The following AGL variants were observed in gnomAD, a reference collection of about 807,000 sequenced individuals.
AGL encodes the protein glycogen debranching enzyme.
In AGL, 128 loss-of-function variants were observed where a neutral mutation model predicts 199.3. The ratio of observed to expected loss-of-function variants is 0.64; its 90% confidence interval spans 0.56 to 0.74. The LOEUF is 0.74. Among genes scored for constraint, AGL ranks in the 30% least tolerant of loss-of-function variants. The pLI is 0.00. For synonymous variants in AGL, 584 were observed against 594.7 expected (o/e 0.98, Z 0.26); for missense variants, 1,809 against 1,820.8 (o/e 0.99, Z 0.12).
rs1045423897 is a variant in AGL at position 99,874,885 on chromosome 1, A to G, written c.1082+75A>G. ...TTATGGCTAGTATGATTTTCATACT[A>G]CTTATTAAAAACGCTTAATAGAAAA... On this transcript the variant is annotated intron_variant, in intron 8 of 33. Transcript: ENST00000361915. 6.0e-5 allele frequency: 91 copies of G among 1,512,966 alleles called. No homozygotes were observed. The Admixed American group carries it at 1.4e-3, about 23-fold the overall frequency. The allele number at this position is 1,512,966 out of a possible 1,614,324, so 93.7% of individuals were successfully genotyped here. A position where few individuals can be genotyped will look rare whatever the true frequency, so the allele number is the denominator to read the frequency against.
intron 11 of AGL, among the ~76,000 whole-genome samples, chr1:99,877,388 T>C (rs1651635077): frequency 6.6e-6 from 1 of 152,216 alleles, no homozygotes; most frequent in African/African-American, 2.4e-5. Context: ...TCCCTTATGA[T>C]GCGACTTGGG....
intron 25 of AGL, among the ~76,000 whole-genome samples, chr1:99,897,265 G>A (rs746250908): frequency 6.6e-6 from 1 of 152,152 alleles, no homozygotes; most frequent in Non-Finnish European, 1.5e-5. Flanking sequence ...CAGATTCTTG[G>A]ACCCTATGCC....
At chr1:99,918,268 T>C (rs1218602450) in intron 33 of AGL, among the ~76,000 whole-genome samples, 2 of 152,340 alleles carry the variant, frequency 1.3e-5, no homozygotes, top group Non-Finnish European at 1.5e-5. Context: ...ACATCCATGC[T>C]GGTGTTTTTC....
At chr1:99,850,840 T>C (rs557247196) in intron 1 of AGL, 135 bp from the exon 2 acceptor site, 25 of 607,670 alleles carry the variant, frequency 4.1e-5, no homozygotes, top group East Asian at 3.2e-4. Context: ...CGAATCTTAA[T>C]AGTTATAAGA....
chr1:99,916,780 T>G (rs769876236), intron 33 of AGL, 49 bp downstream of exon 33: 3 of 1,575,940 alleles, frequency 1.9e-6, no homozygotes, highest in Non-Finnish European at 2.6e-6. Context: ...TTAGTCAGTT[T>G]ATTAGCTATT....
intron 25 of AGL, among the ~76,000 whole-genome samples, chr1:99,898,028 T>C (rs1318661580): frequency 6.6e-6 from 1 of 151,900 alleles, no homozygotes; most frequent in African/African-American, 2.4e-5. Context: ...GTATGGCCTA[T>C]GAGCAAAGAA....
intron 27 of AGL, among the ~76,000 whole-genome samples, chr1:99,909,361 C>T (rs1654565861): frequency 6.6e-6 from 1 of 152,068 alleles, no homozygotes; most frequent in Non-Finnish European, 1.5e-5. Flanking sequence ...TACCACGCTG[C>T]TGAGGAAGGG....
intron 15 of AGL, 33 bp downstream of exon 15, chr1:99,881,210 T>C: frequency 6.2e-7 from 1 of 1,612,878 alleles, no homozygotes; most frequent in Non-Finnish European, 8.5e-7. Context: ...AAAACCTACA[T>C]GGCCAACAAC....
chr1:99,883,138 G>A (rs1283092391), intron 17 of AGL, among the ~76,000 whole-genome samples: 3 of 152,050 alleles, frequency 2.0e-5, no homozygotes, highest in Non-Finnish European at 2.9e-5. Flanking sequence ...AGTATGTTTA[G>A]TAGTGTTACT....
chr1:99,864,631 T>C, intron 5 of AGL, 42 bp downstream of exon 5: 2 of 1,503,834 alleles, frequency 1.3e-6, no homozygotes, highest in Non-Finnish European at 1.8e-6. Context: ...TTGATGAGAA[T>C]TTATGCACAC....
chr1:99,849,958 A>G (rs1648799094), upstream of AGL: 1 of 152,304 alleles, frequency 6.6e-6, no homozygotes, highest in African/African-American at 2.4e-5. Context: ...TCCCCAGGGC[A>G]AGGAGAAAGC....
Position 99,916,607 on chromosome 1 carries a change from T to C in AGL, c.4357T>C (p.Trp1453Arg). 1 of 1,612,812 alleles carries C rather than the reference T, an allele frequency of 6.2e-7. No individual in the cohort carries two copies. ...FNYHQGPEWLWPIGYFLRAKL... is the reference protein window; with the variant it reads ...FNYHQGPEWLRPIGYFLRAKL... ...AAATAATCTTTTTTAGGAGTGGCTG[T>C]GGCCTATTGGGTATTTTCTTCGTGC... The change falls in exon 33 of 34, where the codon TGG becomes CGG. Residue 1453 changes from tryptophan to arginine, a missense_variant. Coordinates refer to ENST00000361915, the MANE Select transcript of AGL (RefSeq NM_000642.3).
At chr1:99,887,219 A>T (rs1652518491) in intron 20 of AGL, among the ~76,000 whole-genome samples, 1 of 152,242 alleles carries the variant, frequency 6.6e-6, no homozygotes, top group Admixed American at 6.5e-5. Context: ...GTAAAATGAA[A>T]TTACCTGAGC....
chr1:99,889,901 A>T (rs1652746145), intron 21 of AGL, among the ~76,000 whole-genome samples: 1 of 152,122 alleles, frequency 6.6e-6, no homozygotes, highest in African/African-American at 2.4e-5. Flanking sequence ...CAGGCCACAT[A>T]TTTCCAGCAG....
intron 33 of AGL, among the ~76,000 whole-genome samples, chr1:99,920,463 T>TAAAAATTCTGTGGAGATGTAATTCAACAC (rs1655440702): frequency 1.3e-5 from 2 of 152,218 alleles, no homozygotes; most frequent in Non-Finnish European, 2.9e-5. Flanking sequence ...GACTTCAACA[T>TAAAAATTCTGTGGAGATGTAATTCAACAC]ACAAATTCTG....
intron 17 of AGL, 72 bp downstream of exon 17, chr1:99,881,763 TTATATATCATG>T: frequency 1.6e-6 from 2 of 1,264,124 alleles, no homozygotes; most frequent in Non-Finnish European, 2.2e-6. Flanking sequence ...AATGTTATGG[TTATATATCATG>T]TATATATCAT....
At chr1:99,905,816 A>G (rs1654241509) in intron 27 of AGL, among the ~76,000 whole-genome samples, 2 of 152,042 alleles carry the variant, frequency 1.3e-5, no homozygotes, top group Admixed American at 6.6e-5. Flanking sequence ...CCTGACCTCA[A>G]GCAATCCTCT....
In AGL at chr1:99,922,130, A is replaced by G. The variant is rs1216553177; in HGVS notation, c.*479A>G. On this transcript the variant is annotated 3_prime_UTR_variant, in exon 34 of 34. Coordinates refer to ENST00000361915, the MANE Select transcript of AGL (RefSeq NM_000642.3). The stretch of plus-strand genomic sequence containing the variant: ...GCATTTAATAAATATTTAATAAATG[A>G]TGAATGATAGAAGTTTCCATCTACA... 1 of 152,150 alleles carries G rather than the reference A, an allele frequency of 6.6e-6. No homozygotes were observed. The highest frequency in any genetic ancestry group is 1.5e-5 in the Non-Finnish European group (1 of 68,022). 9.4% of individuals were successfully genotyped at this position (152,150 alleles called of 1,614,324 possible). A position where few individuals can be genotyped will look rare whatever the true frequency, so the allele number is the denominator to read the frequency against.
At chr1:99,858,786 G>A (rs564375448) in intron 2 of AGL, among the ~76,000 whole-genome samples, 6 of 151,656 alleles carry the variant, frequency 4.0e-5, no homozygotes, top group African/African-American at 4.8e-5. Flanking sequence ...TTTAGTGAGA[G>A]CCAAAAGGTT....
Sources: gnomAD v4.1 joint callset for allele counts (sites outside exome capture counted in the v4.1 genomes callset) on GRCh38, gnomAD v4.1.1 for gene constraint, MANE v1.5 for transcripts, NCBI Gene and HGNC (gene_info 2026-07-23, HGNC 2026-07-21) for gene names.